MYO5A: variants seen among roughly 807,000 people sequenced by gnomAD.
MYO5A encodes myosin VA.
In MYO5A, 98 loss-of-function variants were observed where a neutral mutation model predicts 249.7. That is an observed-to-expected ratio of 0.39 (90% CI 0.33 to 0.46). The LOEUF (loss-of-function observed/expected upper bound fraction) is 0.46, where lower values mean the gene tolerates loss of function less well. MYO5A is among the 20% of genes least tolerant of loss of function. MYO5A has a pLI of 0.98. For synonymous variants in MYO5A, 778 were observed against 810.6 expected (o/e 0.96, Z 0.68); for missense variants, 1,696 against 2,308.8 (o/e 0.73, Z 5.44).
upstream of MYO5A, chr15:52,528,978 G>C: frequency 3.0e-6 from 1 of 334,180 alleles, no homozygotes; most frequent in East Asian, 1.2e-4. Flanking sequence ...TCAGGCGCTG[G>C]CCGCCCGCAG....
At chr15:52,462,602 C>CT (rs993014999) in intron 1 of MYO5A, among the ~76,000 whole-genome samples, 6 of 152,170 alleles carry the variant, frequency 3.9e-5, no homozygotes, top group Non-Finnish European at 7.3e-5. Context: ...AATCCCAGCA[C>CT]TTTCGGAGGC....
chr15:52,316,294 G>A (rs1029489609), intron 40 of MYO5A, among the ~76,000 whole-genome samples: 50 of 149,808 alleles, frequency 3.3e-4, no homozygotes, highest in Middle Eastern at 3.5e-3. Flanking sequence ...GAAAATAACC[G>A]GGCAAAAGAA....
At chr15:52,340,921 C>T (rs948598255) in intron 31 of MYO5A, among the ~76,000 whole-genome samples, 1 of 148,072 alleles carries the variant, frequency 6.8e-6, no homozygotes, top group East Asian at 1.9e-4. Context: ...GCACTCCAGC[C>T]TGGGCAACAA....
intron 9 of MYO5A, 128 bp downstream of exon 9, chr15:52,405,159 T>C (rs2042949928): frequency 2.6e-6 from 2 of 755,926 alleles, no homozygotes; most frequent in African/African-American, 1.7e-5. Flanking sequence ...TTGGATAACA[T>C]ATGTCTTTGA....
chr15:52,316,847 T>C (rs1036839910), intron 40 of MYO5A, among the ~76,000 whole-genome samples: 1 of 152,204 alleles, frequency 6.6e-6, no homozygotes, highest in East Asian at 1.9e-4. Flanking sequence ...ATATTAAATA[T>C]ATTTATACTG....
chr15:52,336,202 A>G (rs1421744139), intron 34 of MYO5A, among the ~76,000 whole-genome samples: 2 of 152,210 alleles, frequency 1.3e-5, no homozygotes, highest in Non-Finnish European at 2.9e-5. Flanking sequence ...TGCCTAGCAC[A>G]TTGTCTGGCA....
intron 1 of MYO5A, among the ~76,000 whole-genome samples, chr15:52,526,926 G>T (rs1264707676): frequency 6.6e-6 from 1 of 152,166 alleles, no homozygotes; most frequent in Non-Finnish European, 1.5e-5. Flanking sequence ...ATAGAACGGA[G>T]GGTGTCCAAT....
At position 52,340,669 on chromosome 15, in the gene MYO5A, G is replaced by A. The variant is rs556432827; in HGVS notation, c.4041-275C>T. Among the ~76,000 whole-genome samples, 9 of 152,278 alleles carry A rather than the reference G, an allele frequency of 5.9e-5. No individual in the cohort carries two copies. In the South Asian group the frequency reaches 6.2e-4, roughly 11 times the overall value. On this transcript the variant is annotated intron_variant, in intron 31 of 41. Transcript: ENST00000399233. ...TCTCTTGAAAGGTTCATAGGAGGCCGGGTGTGGTGGCTCACGCCTGTAATC... is the reference window on the plus strand; with the variant it reads ...TCTCTTGAAAGGTTCATAGGAGGCCAGGTGTGGTGGCTCACGCCTGTAATC...
At chr15:52,419,788 T>C (rs1273929895) in intron 4 of MYO5A, among the ~76,000 whole-genome samples, 1 of 152,196 alleles carries the variant, frequency 6.6e-6, no homozygotes, top group Non-Finnish European at 1.5e-5. Context: ...ATGCATTATA[T>C]AAAGATGCTA....
chr15:52,518,863 T>C (rs2077552883), intron 1 of MYO5A, among the ~76,000 whole-genome samples: 1 of 152,186 alleles, frequency 6.6e-6, no homozygotes, highest in African/African-American at 2.4e-5. Flanking sequence ...TGATGTCAGA[T>C]CAGGGAGTGG....
At chr15:52,416,455 C>T (rs2043492283) in intron 4 of MYO5A, among the ~76,000 whole-genome samples, 154 bp from the exon 5 acceptor site, 1 of 152,040 alleles carries the variant, frequency 6.6e-6, no homozygotes, top group Non-Finnish European at 1.5e-5. Context: ...GGTTCAATCC[C>T]TATACTGGCC....
rs1595798127 is a variant in MYO5A at position 52,499,491 on chromosome 15, T to C, written c.27+29289A>G. ...CCATATCCATTAAATGAACGCCCCA[T>C]TTTCCCCCTCCCTCAGCCACTAGGA... On this transcript the variant is annotated intron_variant, in intron 1 of 41. Transcript: ENST00000399233. Among the ~76,000 whole-genome samples, 4 of 152,148 alleles carry C rather than the reference T, an allele frequency of 2.6e-5. No homozygotes were observed. In the South Asian group the frequency reaches 8.3e-4, roughly 32 times the overall value.
At chr15:52,366,055 C>T (rs1372240362) in intron 23 of MYO5A, among the ~76,000 whole-genome samples, 1 of 152,084 alleles carries the variant, frequency 6.6e-6, no homozygotes, top group Non-Finnish European at 1.5e-5. Context: ...GCCCCTTCAG[C>T]TAGGAGAGGT....
chr15:52,528,586 T>C (rs2077767259), intron 1 of MYO5A, among the ~76,000 whole-genome samples, 194 bp downstream of exon 1: 1 of 152,172 alleles, frequency 6.6e-6, no homozygotes, highest in Admixed American at 6.5e-5. Flanking sequence ...TCCGCCGCCT[T>C]CACCATCTCG....
At position 52,307,879 on chromosome 15, in the gene MYO5A, A is replaced by G. The variant is rs965053051; in HGVS notation, c.*5817T>C. 2 of 152,202 alleles carry G rather than the reference A, an allele frequency of 1.3e-5. No homozygotes were observed. Among genetic ancestry groups the G allele is most frequent in the Non-Finnish European group, 2.9e-5 (2 of 68,010 alleles). The allele number at this position is 152,202 out of a possible 1,614,324, so 9.4% of individuals were successfully genotyped here. On this transcript the variant is annotated 3_prime_UTR_variant, in exon 42 of 42. Coordinates refer to ENST00000399233, the MANE Select transcript of MYO5A (RefSeq NM_001382347.1). ...AAAGTCAATTTTACTGCAGGATCCC[A>G]CAAAAATACATAACCAGGAATCATA...
intron 1 of MYO5A, among the ~76,000 whole-genome samples, chr15:52,521,442 A>G (rs1167654803): frequency 2.0e-5 from 3 of 152,144 alleles, no homozygotes; most frequent in Non-Finnish European, 4.4e-5. Context: ...ATGTTTTTGT[A>G]TATGTGACAA....
chr15:52,376,893 T>C (rs2041443247), intron 18 of MYO5A, among the ~76,000 whole-genome samples: 1 of 152,228 alleles, frequency 6.6e-6, no homozygotes, highest in Non-Finnish European at 1.5e-5. Flanking sequence ...GCTGACTCTC[T>C]CTGACTGACC....
At chr15:52,365,520 C>T (rs2040762152) in intron 23 of MYO5A, among the ~76,000 whole-genome samples, 1 of 152,158 alleles carries the variant, frequency 6.6e-6, no homozygotes, top group Non-Finnish European at 1.5e-5. Flanking sequence ...AAGCTTCTAC[C>T]ACTTTGCTCC....
At chr15:52,361,197 T>C (rs964310676) in intron 24 of MYO5A, among the ~76,000 whole-genome samples, 1 of 152,148 alleles carries the variant, frequency 6.6e-6, no homozygotes, top group African/African-American at 2.4e-5. Context: ...TCATCACACA[T>C]GAAGTCAAAG....
Sources: allele counts gnomAD v4.1 joint callset (sites outside exome capture counted in the v4.1 genomes callset), GRCh38; gene constraint gnomAD v4.1.1; transcripts MANE v1.5; gene names NCBI Gene and HGNC (gene_info 2026-07-23, HGNC 2026-07-21).